Variants in LRRK1 observed in about 807,000 individuals in gnomAD.
LRRK1 encodes leucine rich repeat kinase 1.
Under a neutral mutation model 209.1 loss-of-function variants are expected in LRRK1, and 113 were observed. The ratio of observed to expected loss-of-function variants is 0.54; its 90% CI spans 0.46 to 0.63. The LOEUF (loss-of-function observed/expected upper bound fraction) is 0.63. Among genes scored for constraint, LRRK1 ranks in the 30% least tolerant of loss-of-function variants. The pLI is 0.00. For synonymous variants in LRRK1, 1,144 were observed against 1,099.7 expected (o/e 1.04, Z -0.80); for missense variants, 2,284 against 2,632.2 (o/e 0.87, Z 2.89).
chr15:101,015,042 C>T (rs533961767), intron 11 of LRRK1, among the ~76,000 whole-genome samples: 20 of 152,304 alleles, frequency 1.3e-4, no homozygotes, highest in South Asian at 6.2e-4. Flanking sequence ...GGTGGAAAGC[C>T]GGGATGAGCC....
At chr15:101,052,326 C>T (rs971959146) in intron 24 of LRRK1, among the ~76,000 whole-genome samples, 4 of 152,186 alleles carry the variant, frequency 2.6e-5, no homozygotes, top group African/African-American at 9.7e-5. Context: ...TAAGTGCAGC[C>T]AGTGCTCCTC....
intron 3 of LRRK1, among the ~76,000 whole-genome samples, chr15:100,983,232 T>G (rs2031699190): frequency 1.3e-5 from 2 of 152,224 alleles, no homozygotes; most frequent in African/African-American, 4.8e-5. Context: ...GTTAATATTA[T>G]TTAACATGAA....
chr15:100,929,104 C>G (rs924588292), intron 2 of LRRK1, among the ~76,000 whole-genome samples: 1 of 152,194 alleles, frequency 6.6e-6, no homozygotes, highest in African/African-American at 2.4e-5. Flanking sequence ...CTGAGTATGT[C>G]TGACACCAGC....
At chr15:100,969,559 T>G (rs988553652) in intron 2 of LRRK1, among the ~76,000 whole-genome samples, 1 of 152,172 alleles carries the variant, frequency 6.6e-6, no homozygotes, top group African/African-American at 2.4e-5. Flanking sequence ...TAGGTAAACA[T>G]GTGCCATGGG....
intron 3 of LRRK1, among the ~76,000 whole-genome samples, chr15:100,981,245 A>G (rs1037849863): frequency 8.6e-5 from 13 of 151,942 alleles, no homozygotes; most frequent in Admixed American, 2.6e-4. Flanking sequence ...GTCACTTACC[A>G]CCTCTAGAGG....
intron 31 of LRRK1, among the ~76,000 whole-genome samples, chr15:101,062,936 A>G (rs1381521723): frequency 1.3e-5 from 2 of 152,122 alleles, no homozygotes; most frequent in Non-Finnish European, 2.9e-5. Flanking sequence ...CCCCTTTCAC[A>G]TGCAAATGCC....
intron 20 of LRRK1, among the ~76,000 whole-genome samples, chr15:101,031,937 T>C (rs1391685801): frequency 1.3e-5 from 2 of 152,182 alleles, no homozygotes. Context: ...GGTTTCACCA[T>C]GTTATCCAGG....
Position 100,919,865 on chromosome 15 carries a change from C to G in LRRK1, c.-123+414C>G, listed in dbSNP as rs1406467111. On this transcript the variant is annotated intron_variant, in intron 1 of 33. Coordinates refer to ENST00000388948, the MANE Select transcript of LRRK1 (RefSeq NM_024652.6). This position sits in a 1 kb window ranked among gnomAD's most constrained non-coding sequence, Gnocchi z 5.8. ...CCTCTGCCTTTGGAGCGAACCCAGTCCCTTAGCGGGGAGCGGGCGGAGTGT... is the reference window on the plus strand; with the variant it reads ...CCTCTGCCTTTGGAGCGAACCCAGTGCCTTAGCGGGGAGCGGGCGGAGTGT... Among the ~76,000 whole-genome samples, 2 of 152,168 alleles carry G rather than the reference C, an allele frequency of 1.3e-5. No homozygotes were observed. Among genetic ancestry groups the G allele is most frequent in the African/African-American group, 4.8e-5 (2 of 41,432 alleles).
chr15:100,989,674 C>G, intron 6 of LRRK1: 2 of 570,942 alleles, frequency 3.5e-6, no homozygotes, highest in Non-Finnish European at 6.2e-6. Flanking sequence ...ATAACAACAT[C>G]AATCCATTTA....
chr15:101,053,364 C>T lies in LRRK1; in HGVS notation c.3998C>T (p.Ala1333Val). ...IGISIHPLCFALELAPLSSLN... is the reference protein window; with the variant it reads ...IGISIHPLCFVLELAPLSSLN... ...ATCAGCATCCACCCGCTCTGCTTCG[C>T]CCTGGAGCTCGCGCCGCTCAGCAGC... Residue 1333 changes from alanine to valine, a missense_variant, in exon 26 of 34, where the codon GCC becomes GTC. Coordinates refer to ENST00000388948, the MANE Select transcript of LRRK1 (RefSeq NM_024652.6). The T allele has an allele frequency of 1.9e-6, 3 of 1,601,826 alleles. No homozygotes were observed. The highest frequency in any genetic ancestry group is 8.5e-7 in the Non-Finnish European group (1 of 1,179,832).
chr15:100,932,591 A>T (rs1347474664), intron 2 of LRRK1, among the ~76,000 whole-genome samples: 1 of 152,244 alleles, frequency 6.6e-6, no homozygotes, highest in Non-Finnish European at 1.5e-5. Flanking sequence ...AAAGGAAGGC[A>T]TACCCCTGGT....
chr15:101,072,963 GGGA>G lies in LRRK1; in HGVS notation c.*4116_*4118del, dbSNP rs1012506622. ...GTAACTGGCGCGGGGGGAGGGGGGG[GGGA>G]ACCTCCCTTGGGAGATCAATCCCCT... is the stretch of plus-strand genomic sequence containing the variant. On this transcript the variant is annotated 3_prime_UTR_variant, in exon 34 of 34. Transcript: ENST00000388948. 18 of 159,164 alleles carry G rather than the reference GGGA, an allele frequency of 1.1e-4. No homozygotes were observed. The highest frequency in any genetic ancestry group is 3.6e-4 in the African/African-American group (15 of 41,520). 9.9% of individuals were successfully genotyped at this position (159,164 alleles called of 1,614,324 possible).
chr15:101,026,251 T>C (rs1107212), intron 17 of LRRK1, 114 bp downstream of exon 17: 772,760 of 1,051,538 alleles, frequency 0.73, 286,940 homozygotes, highest in South Asian at 0.8. Flanking sequence ...GCCCCTTTCC[T>C]GGCCAAGGGT....
chr15:101,027,959 C>T lies in LRRK1; in HGVS notation c.2686+162C>T, dbSNP rs140685499. 0.013 allele frequency among the ~76,000 whole-genome samples: 1,915 copies of T among 152,302 alleles called. 16 individuals carry two copies. Among genetic ancestry groups the T allele is most frequent in the Middle Eastern group, 0.041 (12 of 294 alleles). On this transcript the variant is annotated intron_variant, in intron 19 of 33. Transcript: ENST00000388948. The surrounding 1 kb of genome is among the most constrained non-coding windows in gnomAD (Gnocchi z 5.1). ...TCCTTCTTCCCTCTCACCCTTCTTT[C>T]CTTGGAGGGAGAGAACACAAACAGC...
At chr15:101,036,798 G>A (rs1175351705) in intron 20 of LRRK1, among the ~76,000 whole-genome samples, 1 of 152,196 alleles carries the variant, frequency 6.6e-6, no homozygotes, top group Non-Finnish European at 1.5e-5. Context: ...CATCTGTGGT[G>A]TTGGTTCAGT....
Position 101,010,562 on chromosome 15 carries a change from T to A in LRRK1, c.1102T>A (p.Phe368Ile). The A allele has an allele frequency of 6.2e-7, 1 of 1,612,248 alleles. No homozygotes were observed. Among genetic ancestry groups the A allele is most frequent in the South Asian group, 1.1e-5 (1 of 89,968 alleles). Residue 368 changes from phenylalanine to isoleucine, a missense_variant, in exon 8 of 34, where the codon TTC (phenylalanine) becomes ATC (isoleucine). Transcript: ENST00000388948. ...TASKNCLEKL[F>I]EEENATNWIG... ...TTCAAAAAATTGTTTAGAAAAATTG[T>A]TCGAAGAAGAAAATGGTATGTTTTC...
chr15:100,924,709 G>T lies in LRRK1; in HGVS notation c.77G>T (p.Arg26Leu). ...GAGGAGTCAGCTGTGTGTCCAGAACGTGCCATGGAGACGCTTAACGGTAAG... is the reference window on the plus strand; with the variant it reads ...GAGGAGTCAGCTGTGTGTCCAGAACTTGCCATGGAGACGCTTAACGGTAAG... Reference protein sequence around the residue: ...GPEESAVCPERAMETLNGAGD... With the variant: ...GPEESAVCPELAMETLNGAGD... Residue 26 changes from arginine (R) to leucine (L), a missense_variant, in exon 2 of 34, where the codon CGT (arginine) becomes CTT (leucine). Coordinates refer to ENST00000388948, the MANE Select transcript of LRRK1 (RefSeq NM_024652.6). 3.7e-6 allele frequency: 6 copies of T among 1,614,138 alleles called. No individual in the cohort carries two copies. The highest frequency in any genetic ancestry group is 5.1e-6 in the Non-Finnish European group (6 of 1,179,972).
chr15:100,940,805 A>G (rs1287032376), intron 2 of LRRK1, among the ~76,000 whole-genome samples: 1 of 152,224 alleles, frequency 6.6e-6, no homozygotes, highest in African/African-American at 2.4e-5. Context: ...TGAACAGTTG[A>G]CAATACCAAG....
intron 6 of LRRK1, 58 bp from the exon 7 acceptor site, chr15:101,008,779 C>A: frequency 3.0e-6 from 4 of 1,313,958 alleles, no homozygotes; most frequent in Non-Finnish European, 4.4e-6. Flanking sequence ...TTATTCCAAG[C>A]CCATGTGGGC....
Sources: allele counts gnomAD v4.1 joint callset (sites outside exome capture counted in the v4.1 genomes callset), GRCh38; gene constraint gnomAD v4.1.1; non-coding constraint Gnocchi (gnomAD v3.1); transcripts MANE v1.5; gene names NCBI Gene and HGNC (gene_info 2026-07-23, HGNC 2026-07-21).